Variants in INPP4B observed in about 807,000 individuals in gnomAD.
The protein encoded by INPP4B is inositol polyphosphate-4-phosphatase type II B.
In INPP4B, 55 loss-of-function variants were observed where a neutral mutation model predicts 122.5. That is an observed-to-expected ratio of 0.45 (90% confidence interval 0.36 to 0.56). The LOEUF (loss-of-function observed/expected upper bound fraction) is 0.56. Among genes scored for constraint, INPP4B ranks in the 20% least tolerant of loss-of-function variants. The pLI is 0.00. For synonymous variants in INPP4B, 403 were observed against 388.7 expected (o/e 1.04, Z -0.43); for missense variants, 1,000 against 1,097.7 (o/e 0.91, Z 1.26).
intron 2 of INPP4B, among the ~76,000 whole-genome samples, chr4:142,546,447 C>T (rs1349719495): frequency 6.6e-6 from 1 of 151,968 alleles, no homozygotes; most frequent in Non-Finnish European, 1.5e-5. Context: ...AGTAAGATAC[C>T]ACTAAGGAAT....
Position 142,432,482 on chromosome 4 carries a change from A to G in INPP4B, c.-126-1097T>C, listed in dbSNP as rs1295469111. Among the ~76,000 whole-genome samples, 3 of 152,150 alleles carry G rather than the reference A, an allele frequency of 2.0e-5. No individual in the cohort carries two copies. The East Asian group carries it at 5.8e-4, about 29-fold the overall frequency. On this transcript the variant is annotated intron_variant, in intron 3 of 25. Transcript: ENST00000262992. ...ATTGGCTTCTAAGGATACAATCAAG[A>G]ATATTTCTGGGGGTAGAAGGCTATT... is the stretch of plus-strand genomic sequence containing the variant.
intron 1 of INPP4B, among the ~76,000 whole-genome samples, chr4:142,797,585 A>G (rs1199775008): frequency 6.6e-6 from 1 of 151,960 alleles, no homozygotes; most frequent in Non-Finnish European, 1.5e-5. Context: ...ATAAAAGAAA[A>G]CAAATCTAGA....
rs150307194 is a variant in INPP4B at position 142,087,012 on chromosome 4, G to T, written c.2375-756C>A. Among the ~76,000 whole-genome samples, 426 of 152,282 alleles carry T rather than the reference G, an allele frequency of 2.8e-3. 1 individual carries two copies. Among genetic ancestry groups the T allele is most frequent in the Middle Eastern group, 6.8e-3 (2 of 294 alleles). Reference sequence around the variant, plus strand: ...TCAAATAAGACACATGAAATCAGTTGCTATACAGCAAGTGTCCTTGAACTC... The same window carrying T: ...TCAAATAAGACACATGAAATCAGTTTCTATACAGCAAGTGTCCTTGAACTC... On this transcript the variant is annotated intron_variant, in intron 23 of 25. Transcript: ENST00000262992.
chr4:142,039,949 T>G (rs1746293316), intron 25 of INPP4B, among the ~76,000 whole-genome samples: 5 of 151,962 alleles, frequency 3.3e-5, no homozygotes, highest in Admixed American at 2.0e-4. Context: ...CCAAGGGAAT[T>G]TTAGCAGTAC....
intron 14 of INPP4B, among the ~76,000 whole-genome samples, chr4:142,199,463 TATCA>T (rs935998906): frequency 1.3e-5 from 2 of 152,100 alleles, no homozygotes; most frequent in African/African-American, 4.8e-5. Flanking sequence ...ACTAAATTGC[TATCA>T]ATATTTCCAT....
chr4:142,382,063 A>G (rs1459535510), intron 7 of INPP4B, among the ~76,000 whole-genome samples: 1 of 152,156 alleles, frequency 6.6e-6, no homozygotes, highest in Non-Finnish European at 1.5e-5. Context: ...CTAATTCCCA[A>G]CATTCCTCTC....
In INPP4B at chr4:142,501,909, C is replaced by T. The variant is rs563901402; in HGVS notation, c.-190-39183G>A. Among the ~76,000 whole-genome samples, 15 of 152,204 alleles carry T rather than the reference C, an allele frequency of 9.9e-5. 1 individual carries two copies. The highest frequency in any genetic ancestry group is 3.4e-3 in the Middle Eastern group (1 of 294). On this transcript the variant is annotated intron_variant, in intron 2 of 25. Transcript: ENST00000262992. ...AATCCCTTTTAGAAGCCTTTGTGCT[C>T]CCCACGAAGTCCCCCTCCACCTCCA...
intron 14 of INPP4B, among the ~76,000 whole-genome samples, chr4:142,194,924 A>C (rs546988049): frequency 6.6e-6 from 1 of 152,226 alleles, no homozygotes; most frequent in African/African-American, 2.4e-5. Context: ...CCATAAAAAT[A>C]AACTTTTGAG....
At chr4:142,178,823 AC>A (rs2152968420) in intron 15 of INPP4B, among the ~76,000 whole-genome samples, 1 of 102,606 alleles carries the variant, frequency 9.7e-6, no homozygotes, top group South Asian at 4.4e-4. Flanking sequence ...TCTAGCTCAA[AC>A]CCTACTTGTA....
At chr4:142,516,856 G>A (rs909156508) in intron 2 of INPP4B, among the ~76,000 whole-genome samples, 1 of 151,760 alleles carries the variant, frequency 6.6e-6, no homozygotes, top group African/African-American at 2.4e-5. Flanking sequence ...AGTCCACCCT[G>A]GACTCTAGTA....
At chr4:142,702,730 C>CAAAAAAA (rs35472471) in intron 2 of INPP4B, among the ~76,000 whole-genome samples, 8 of 64,324 alleles carry the variant, frequency 1.2e-4, no homozygotes, top group African/African-American at 3.0e-4. Context: ...AACTCCGTCT[C>CAAAAAAA]AAAAAAAAAA....
chr4:142,630,354 T>C (rs953115977), intron 2 of INPP4B, among the ~76,000 whole-genome samples: 5 of 152,174 alleles, frequency 3.3e-5, no homozygotes, highest in Non-Finnish European at 2.9e-5. Context: ...TTTGTGTTTA[T>C]CTTTTATTTT....
At chr4:142,070,089 A>G (rs1397434336) in intron 25 of INPP4B, among the ~76,000 whole-genome samples, 1 of 152,226 alleles carries the variant, frequency 6.6e-6, no homozygotes, top group African/African-American at 2.4e-5. Flanking sequence ...AATCCTGAAT[A>G]AAATACTGGC....
chr4:142,217,550 A>C (rs761013670), intron 12 of INPP4B, among the ~76,000 whole-genome samples: 6 of 152,182 alleles, frequency 3.9e-5, no homozygotes, highest in Non-Finnish European at 7.4e-5. Flanking sequence ...TGCATGATGT[A>C]GGTCTGTAAT....
intron 2 of INPP4B, among the ~76,000 whole-genome samples, chr4:142,648,413 A>G (rs1175183148): frequency 6.6e-6 from 1 of 152,098 alleles, no homozygotes; most frequent in Non-Finnish European, 1.5e-5. Context: ...TCCCTTTCCT[A>G]CCCAAGGGAA....
At chr4:142,298,566 T>C (rs1286247068) in intron 9 of INPP4B, among the ~76,000 whole-genome samples, 1 of 148,990 alleles carries the variant, frequency 6.7e-6, no homozygotes, top group Admixed American at 6.8e-5. Flanking sequence ...GCGCCTATAA[T>C]CCCAGCTACT....
chr4:142,404,234 A>G (rs1011327947), intron 6 of INPP4B, among the ~76,000 whole-genome samples: 1 of 152,198 alleles, frequency 6.6e-6, no homozygotes, highest in Non-Finnish European at 1.5e-5. Flanking sequence ...CCCATTATAG[A>G]AATGACTCCC....
chr4:142,436,664 A>G (rs979242739), intron 3 of INPP4B, among the ~76,000 whole-genome samples: 19 of 152,336 alleles, frequency 1.2e-4, no homozygotes, highest in African/African-American at 4.6e-4. Flanking sequence ...GCAGCCCTAC[A>G]GAAGAGAGAC....
chr4:142,405,685 T>C (rs1350186021), intron 5 of INPP4B, among the ~76,000 whole-genome samples: 1 of 152,114 alleles, frequency 6.6e-6, no homozygotes, highest in African/African-American at 2.4e-5. Context: ...GAAAGTTGAT[T>C]TGGGCCATAT....
Sources: allele counts gnomAD v4.1 joint callset (sites outside exome capture counted in the v4.1 genomes callset), GRCh38; gene constraint gnomAD v4.1.1; transcripts MANE v1.5; gene names NCBI Gene and HGNC (gene_info 2026-07-23, HGNC 2026-07-21).